Variants in SATB1 observed in about 807,000 individuals in gnomAD.
SATB1 encodes DNA-binding protein SATB1.
Under a neutral mutation model 86.9 loss-of-function variants are expected in SATB1, and 11 were observed. That is an observed-to-expected ratio of 0.13 (90% CI 0.08 to 0.21). The LOEUF (loss-of-function observed/expected upper bound fraction) is 0.21, where lower values mean the gene tolerates loss of function less well. Among genes scored for constraint, SATB1 ranks in the 10% least tolerant of loss-of-function variants. The pLI, the probability that SATB1 is intolerant of heterozygous loss-of-function variation, is 1.00. For missense variants in SATB1, 551 were observed against 937.6 expected, an observed-to-expected ratio of 0.59 and a Z score of 5.39; for synonymous variants, 357 against 357.2, an observed-to-expected ratio of 1.00 and a Z score of 0.01.
At chr3:18,379,964 T>C (rs1201659211) in intron 8 of SATB1, among the ~76,000 whole-genome samples, 1 of 152,078 alleles carries the variant, frequency 6.6e-6, no homozygotes, top group Admixed American at 6.5e-5. Flanking sequence ...CTAGAACACA[T>C]ACAGGGCTTT....
intron 5 of SATB1, among the ~76,000 whole-genome samples, chr3:18,403,266 A>AT (rs887380041): frequency 3.3e-4 from 50 of 151,726 alleles, no homozygotes; most frequent in Middle Eastern, 3.4e-3. Flanking sequence ...TGCTAAAGAG[A>AT]TTTTTTTTTC....
chr3:18,410,124 C>G (rs1215378210), intron 5 of SATB1, among the ~76,000 whole-genome samples: 1 of 152,002 alleles, frequency 6.6e-6, no homozygotes, highest in East Asian at 1.9e-4. Context: ...TGATTAGGGG[C>G]TTGATATGAC....
At chr3:18,379,634 C>T (rs1047047092) in intron 8 of SATB1, among the ~76,000 whole-genome samples, 3 of 152,136 alleles carry the variant, frequency 2.0e-5, no homozygotes, top group East Asian at 1.9e-4. Context: ...TTCAATTCTC[C>T]GTACTTAAAG....
intron 9 of SATB1, among the ~76,000 whole-genome samples, chr3:18,355,636 TG>T (rs1268628408): frequency 6.6e-6 from 1 of 151,938 alleles, no homozygotes; most frequent in Non-Finnish European, 1.5e-5. Context: ...TGCAGTGCTT[TG>T]TTGCAAAAAG....
chr3:18,370,398 G>A (rs182156808), intron 9 of SATB1, among the ~76,000 whole-genome samples: 1 of 149,936 alleles, frequency 6.7e-6, no homozygotes, highest in Non-Finnish European at 1.5e-5. Flanking sequence ...TTATCACTAA[G>A]AGCCATCCCC....
At chr3:18,404,334 T>C (rs1697415319) in intron 5 of SATB1, among the ~76,000 whole-genome samples, 1 of 152,044 alleles carries the variant, frequency 6.6e-6, no homozygotes, top group Admixed American at 6.6e-5. Flanking sequence ...AACTGGGGCA[T>C]ATTTGGAATC....
Position 18,359,267 on chromosome 3 carries a change from T to C in SATB1, c.1576-7072A>G, listed in dbSNP as rs562858700. Reference sequence around the variant, plus strand: ...TTTGGTCCATAACAAGATTATCAAATGACAACCTGGCCAGAGCAGATACAA... The same window carrying C: ...TTTGGTCCATAACAAGATTATCAAACGACAACCTGGCCAGAGCAGATACAA... On this transcript the variant is annotated intron_variant, in intron 9 of 10. Coordinates refer to ENST00000338745, the MANE Select transcript of SATB1 (RefSeq NM_002971.6). Among the ~76,000 whole-genome samples, 45 of 152,090 alleles carry C rather than the reference T, an allele frequency of 3.0e-4. No individual in the cohort carries two copies. In the East Asian group the frequency reaches 7.3e-3, roughly 25 times the overall value.
rs571585439 is a variant in SATB1, at chr3:18,413,074, T to C, written c.639+2037A>G. On this transcript the variant is annotated intron_variant, in intron 5 of 10. Coordinates refer to ENST00000338745, the MANE Select transcript of SATB1 (RefSeq NM_002971.6). ...ATTGTAGCCTAGTTCCATCACTTAA[T>C]GATTACAGTGAGGTATCCAGCCACA... Among the ~76,000 whole-genome samples the C allele has an allele frequency of 2.0e-5, 3 of 152,198 alleles. No individual in the cohort carries two copies. In the East Asian group the frequency reaches 5.8e-4, roughly 29 times the overall value.
chr3:18,360,685 T>C (rs1210194295), intron 9 of SATB1, among the ~76,000 whole-genome samples: 2 of 152,144 alleles, frequency 1.3e-5, no homozygotes, highest in African/African-American at 2.4e-5. Context: ...AAACTGTAGA[T>C]AATAATGGTA....
rs111558901 is a variant in SATB1, at chr3:18,364,846, CT to C, written c.1576-12652del. Among the ~76,000 whole-genome samples, 95 of 146,886 alleles carry C rather than the reference CT, an allele frequency of 6.5e-4. 1 individual carries two copies. Among genetic ancestry groups the C allele is most frequent in the African/African-American group, 2.1e-3 (84 of 40,214 alleles). On this transcript the variant is annotated intron_variant, in intron 9 of 10. Coordinates refer to ENST00000338745, the MANE Select transcript of SATB1 (RefSeq NM_002971.6). ...TTTATGGATTTGTGAAACAAATTTC[CT>C]TTTTTTTTTGCCACTGAAGGACCAT... is the stretch of plus-strand genomic sequence containing the variant.
rs185089439 is a variant in SATB1, at chr3:18,345,389, A to G, written c.*3781T>C. On this transcript the variant is annotated 3_prime_UTR_variant, in exon 11 of 11. Coordinates refer to ENST00000338745, the MANE Select transcript of SATB1 (RefSeq NM_002971.6). ...AATGTGGCTCATCTTTTAAACATTA[A>G]TTTCAAACTATTTTTATTTAACATT... is the stretch of plus-strand genomic sequence containing the variant. The G allele has an allele frequency of 1.2e-4, 19 of 152,238 alleles. No individual in the cohort carries two copies. 9.4% of individuals were successfully genotyped at this position (152,238 alleles called of 1,614,324 possible).
In SATB1 at chr3:18,443,944, C is replaced by T. The variant is rs1374066270; in HGVS notation, c.-25+1574G>A. On this transcript the variant is annotated intron_variant, in intron 1 of 3. Transcript: ENST00000415069. This position sits in a 1 kb window ranked among gnomAD's most constrained non-coding sequence, Gnocchi z 4.4. ...CGAGGGCTCGAAATGAGGAGTGCCG[C>T]GGCTTTCAAACTCCGGGCTCCAACT... is the stretch of plus-strand genomic sequence containing the variant. 1.3e-5 allele frequency among the ~76,000 whole-genome samples: 2 copies of T among 152,214 alleles called. No individual in the cohort carries two copies. Among genetic ancestry groups the T allele is most frequent in the Admixed American group, 6.5e-5 (1 of 15,292 alleles).
At chr3:18,409,735 C>T (rs1697736308) in intron 5 of SATB1, 1 of 151,938 alleles carries the variant, frequency 6.6e-6, no homozygotes, top group Admixed American at 6.6e-5. Context: ...CTCTGTAGAG[C>T]TTTTATTCAA....
intron 5 of SATB1, among the ~76,000 whole-genome samples, chr3:18,403,344 C>G (rs1237736440): frequency 6.6e-6 from 1 of 152,022 alleles, no homozygotes; most frequent in Non-Finnish European, 1.5e-5. Flanking sequence ...AAACAGAGAT[C>G]TCATGAATAC....
Position 18,366,273 on chromosome 3 carries a change from T to C in SATB1, c.1575+11897A>G, listed in dbSNP as rs1695179915. Among the ~76,000 whole-genome samples the C allele has an allele frequency of 1.3e-5, 2 of 152,028 alleles. 1 individual carries two copies. Among genetic ancestry groups the C allele is most frequent in the South Asian group, 4.1e-4 (2 of 4,822 alleles). ...ATTCTTTTTTTTTTTCAAGGTATTC[T>C]CTCAAATGAGCTGTCACTCCCTGCT... is the stretch of plus-strand genomic sequence containing the variant. On this transcript the variant is annotated intron_variant, in intron 9 of 10. Coordinates refer to ENST00000338745, the MANE Select transcript of SATB1 (RefSeq NM_002971.6).
chr3:18,411,173 C>G (rs1697813822), intron 5 of SATB1: 1 of 330,146 alleles, frequency 3.0e-6, no homozygotes, highest in Non-Finnish European at 5.4e-6. Flanking sequence ...TTCTCACCCA[C>G]TTTATATGAC....
upstream of SATB1, among the ~76,000 whole-genome samples, chr3:18,442,212 T>C (rs1189195608): frequency 6.6e-6 from 1 of 150,544 alleles, no homozygotes; most frequent in African/African-American, 2.4e-5. Flanking sequence ...TTTAAGGAGG[T>C]AGTACTTTAG....
rs1694052730 is a variant in SATB1, at chr3:18,346,251, A to AAAG, written c.*2916_*2918dup. The AAAG allele has an allele frequency of 6.6e-6, 1 of 152,150 alleles. No homozygotes were observed. The allele number at this position is 152,150 out of a possible 1,614,324, so 9.4% of individuals were successfully genotyped here. A position where few individuals can be genotyped will look rare whatever the true frequency, so the allele number is the denominator to read the frequency against. ...ACAGAGTGTAATACAAATTAGTGGC[A>AAAG]AAGTGCTGAGTGAAGGGAATCCATG... is the stretch of plus-strand genomic sequence containing the variant. On this transcript the variant is annotated 3_prime_UTR_variant, in exon 11 of 11. Coordinates refer to ENST00000338745, the MANE Select transcript of SATB1 (RefSeq NM_002971.6).
chr3:18,419,954 G>C (rs535039367), intron 2 of SATB1, among the ~76,000 whole-genome samples: 20 of 152,182 alleles, frequency 1.3e-4, no homozygotes, highest in African/African-American at 4.3e-4. Context: ...TAATATTCTT[G>C]GTTGCTAAAA....
Sources: allele counts gnomAD v4.1 joint callset (sites outside exome capture counted in the v4.1 genomes callset), GRCh38; gene constraint gnomAD v4.1.1; non-coding constraint Gnocchi (gnomAD v3.1); transcripts MANE v1.5; gene names NCBI Gene and HGNC (gene_info 2026-07-23, HGNC 2026-07-21).